The following SEC14L2 variants were observed in gnomAD, a reference collection of about 807,000 sequenced individuals.
SEC14L2 encodes SEC14 like lipid binding 2, also known as SEC14-like protein 2.
A neutral mutation model predicts 56.9 loss-of-function variants in SEC14L2; 50 were observed. The observed-to-expected ratio is 0.88, with a 90% confidence interval of 0.70 to 1.11. The LOEUF is 1.11. Among genes scored for constraint, SEC14L2 ranks in the 50% most tolerant of loss-of-function variants. SEC14L2 has a pLI of 0.00. For synonymous variants in SEC14L2, 179 were observed against 188.5 expected (o/e 0.95, Z 0.41); for missense variants, 414 against 500.7 (o/e 0.83, Z 1.65).
chr22:30,397,237 A>T, intron 1 of SEC14L2, 67 bp downstream of exon 1: 1 of 1,379,738 alleles, frequency 7.2e-7, no homozygotes, highest in Non-Finnish European at 9.7e-7. Flanking sequence ...CGGCAGCGAG[A>T]AGGGACGGGG....
chr22:30,403,859 C>T (rs1349078457), intron 2 of SEC14L2, among the ~76,000 whole-genome samples: 5 of 151,256 alleles, frequency 3.3e-5, no homozygotes, highest in African/African-American at 9.7e-5. Context: ...AAAAATTAGC[C>T]GGGTGCGGTG....
At chr22:30,403,268 G>C (rs1012157496) in intron 2 of SEC14L2, among the ~76,000 whole-genome samples, 1 of 152,170 alleles carries the variant, frequency 6.6e-6, no homozygotes, top group African/African-American at 2.4e-5. Context: ...TCCAGGCATG[G>C]AGAGCAGGTC....
intron 5 of SEC14L2, 97 bp from the exon 6 acceptor site, chr22:30,409,090 G>A: frequency 9.3e-7 from 1 of 1,076,610 alleles, no homozygotes; most frequent in Non-Finnish European, 1.4e-6. Flanking sequence ...AGCTCTGATT[G>A]CTCTCTGGAT....
At chr22:30,406,167 CAGA>C (rs1215809162) in intron 2 of SEC14L2, among the ~76,000 whole-genome samples, 172 bp from the exon 3 acceptor site, 1 of 151,890 alleles carries the variant, frequency 6.6e-6, no homozygotes, top group Non-Finnish European at 1.5e-5. Flanking sequence ...TGTGGTGCCC[CAGA>C]AGTTCTCAGT....
rs1934130716 is a variant in SEC14L2, at chr22:30,407,539, T to C, written c.359T>C (p.Leu120Pro). ...GLLFSASKQD[L>P]LRTKMRECEL... ...CTGTTCTCAGCCTCCAAACAGGACC[T>C]GCTGAGGACCAAGATGCGGGAGTGT... is the stretch of plus-strand genomic sequence containing the variant. The change falls in exon 5 of 12, where the codon CTG becomes CCG. Residue 120 changes from leucine to proline, a missense_variant. Coordinates refer to ENST00000615189, the MANE Select transcript of SEC14L2 (RefSeq NM_012429.5). 6.2e-7 allele frequency: 1 copy of C among 1,614,052 alleles called. No homozygotes were observed. Among genetic ancestry groups the C allele is most frequent in the South Asian group, 1.1e-5 (1 of 91,088 alleles).
rs3831694 is a variant in SEC14L2 at position 30,421,164 on chromosome 22, AACACACACACAC to A, written c.1082-1095_1082-1084del. ...ATAAATAGAAAACAGGACATACACA[AACACACACACAC>A]ACACACACACACACACATATTCACA... On this transcript the variant is annotated intron_variant, in intron 11 of 11. Coordinates refer to ENST00000615189, the MANE Select transcript of SEC14L2 (RefSeq NM_012429.5). 4 of 150,388 alleles carry A rather than the reference AACACACACACAC, an allele frequency of 2.7e-5. No homozygotes were observed. In the East Asian group the frequency reaches 5.9e-4, roughly 22 times the overall value. The allele number at this position is 150,388 out of a possible 1,614,324, so 9.3% of individuals were successfully genotyped here.
chr22:30,412,371 CT>C (rs80102907), intron 8 of SEC14L2, among the ~76,000 whole-genome samples: 220 of 147,336 alleles, frequency 1.5e-3, no homozygotes, highest in Admixed American at 3.5e-3. Context: ...AAGGGACCCC[CT>C]TTTTTTTTTT....
Position 30,409,248 on chromosome 22 carries a change from A to G in SEC14L2, c.485A>G (p.His162Arg). 6.2e-7 allele frequency: 1 copy of G among 1,613,702 alleles called. No homozygotes were observed. Among genetic ancestry groups the G allele is most frequent in the Non-Finnish European group, 8.5e-7 (1 of 1,179,970 alleles). Residue 162 changes from histidine to arginine, a missense_variant, in exon 6 of 12, where the codon CAT (histidine) becomes CGT (arginine). His to Arg is a conservative substitution (Grantham distance 29). Coordinates refer to ENST00000615189, the MANE Select transcript of SEC14L2 (RefSeq NM_012429.5). ...IYDCEGLGLK[H>R]LWKPAVEAYG... is the part of the protein sequence containing the mutation. The stretch of plus-strand genomic sequence containing the variant: ...GACTGCGAGGGGCTTGGCCTCAAGC[A>G]TCTCTGGAAGCCTGCTGTGGAGGCC...
At chr22:30,397,810 T>G (rs991608265) in intron 1 of SEC14L2, 3 of 470,004 alleles carry the variant, frequency 6.4e-6, no homozygotes, top group Non-Finnish European at 1.3e-5. Context: ...TCCCCTATCT[T>G]GCATCCCAGA....
Position 30,422,659 on chromosome 22 carries a change from C to G in SEC14L2, c.*252C>G. The G allele has an allele frequency of 2.5e-6, 1 of 396,778 alleles. No individual in the cohort carries two copies. Among genetic ancestry groups the G allele is most frequent in the Non-Finnish European group, 4.5e-6 (1 of 219,818 alleles). The allele number at this position is 396,778 out of a possible 1,614,324, so 24.6% of individuals were successfully genotyped here. ...CTGTCTGTCCTGTAAACTGTGCCAA[C>G]TTCACCTGTCCAGGGACAGCGAAGC... On this transcript the variant is annotated 3_prime_UTR_variant, in exon 12 of 12. Coordinates refer to ENST00000615189, the MANE Select transcript of SEC14L2 (RefSeq NM_012429.5).
intron 3 of SEC14L2, 130 bp downstream of exon 3, chr22:30,406,515 AT>A: frequency 1.2e-6 from 1 of 857,792 alleles, no homozygotes; most frequent in South Asian, 1.6e-5. Context: ...CTGTTGCCTT[AT>A]CCCTCTGGGA....
chr22:30,407,538 C>G lies in SEC14L2; in HGVS notation c.358C>G (p.Leu120Val). 6.2e-7 allele frequency: 1 copy of G among 1,614,136 alleles called. No homozygotes were observed. Among genetic ancestry groups the G allele is most frequent in the Non-Finnish European group, 8.5e-7 (1 of 1,180,010 alleles). ...GCTGTTCTCAGCCTCCAAACAGGAC[C>G]TGCTGAGGACCAAGATGCGGGAGTG... The part of the protein sequence containing the change: ...GLLFSASKQD[L>V]LRTKMRECEL... The change falls in exon 5 of 12, where the codon CTG becomes GTG. Residue 120 changes from leucine to valine, a missense_variant. Leu to Val is a conservative substitution (Grantham distance 32, BLOSUM62 1). Coordinates refer to ENST00000615189, the MANE Select transcript of SEC14L2 (RefSeq NM_012429.5).
chr22:30,397,286 G>A, intron 1 of SEC14L2, 116 bp downstream of exon 1: 2 of 954,076 alleles, frequency 2.1e-6, no homozygotes, highest in African/African-American at 1.8e-5. Context: ...GCGGCGGAGG[G>A]AACAGAGGCG....
At position 30,424,799 on chromosome 22, in the gene SEC14L2, A is replaced by G. The variant is rs1014447018; in HGVS notation, c.*2392A>G. The stretch of plus-strand genomic sequence containing the variant: ...CACAGAGACTTAGTGAAGTGCACAC[A>G]TTGCTCACCTGGGTGAACTGAGGTC... On this transcript the variant is annotated 3_prime_UTR_variant, in exon 12 of 12. Transcript: ENST00000615189. 4.4e-6 allele frequency: 2 copies of G among 456,404 alleles called. No homozygotes were observed. The highest frequency in any genetic ancestry group is 8.8e-6 in the Non-Finnish European group (2 of 226,908). 28.3% of individuals were successfully genotyped at this position (456,404 alleles called of 1,614,324 possible).
intron 11 of SEC14L2, 109 bp downstream of exon 11, chr22:30,416,512 G>A (rs1274856330): frequency 5.7e-6 from 9 of 1,585,444 alleles, no homozygotes; most frequent in Non-Finnish European, 7.7e-6. Flanking sequence ...AACTAGAAGT[G>A]GAATGCCATC....
chr22:30,399,715 C>G lies in SEC14L2; in HGVS notation c.127C>G (p.Arg43Gly). 1 of 1,613,276 alleles carries G rather than the reference C, an allele frequency of 6.2e-7. No individual in the cohort carries two copies. Among genetic ancestry groups the G allele is most frequent in the Non-Finnish European group, 8.5e-7 (1 of 1,179,710 alleles). ...TGACTATTTTCTCCTGCGTTGGCTCCGAGGTGAGGGAAGAGGGGCTGCGGG... is the reference window on the plus strand; with the variant it reads ...TGACTATTTTCTCCTGCGTTGGCTCGGAGGTGAGGGAAGAGGGGCTGCGGG... ...PDDYFLLRWL[R>G]ARSFDLQKSE... Residue 43 changes from arginine to glycine, a missense_variant, in exon 2 of 12, where the codon CGA (arginine) becomes GGA (glycine). Transcript: ENST00000615189.
rs763952522 is a variant in SEC14L2, at chr22:30,424,768, A to G, written c.*2361A>G. ...CAACGCCGCTCAATTATACCCGCCA[A>G]GGAGTCACAGAGACTTAGTGAAGTG... On this transcript the variant is annotated 3_prime_UTR_variant, in exon 12 of 12. Coordinates refer to ENST00000615189, the MANE Select transcript of SEC14L2 (RefSeq NM_012429.5). 1.2e-4 allele frequency: 57 copies of G among 456,496 alleles called. No homozygotes were observed. Among genetic ancestry groups the G allele is most frequent in the Non-Finnish European group, 4.4e-5 (10 of 226,970 alleles). The allele number at this position is 456,496 out of a possible 1,614,324, so 28.3% of individuals were successfully genotyped here. A position where few individuals can be genotyped will look rare whatever the true frequency, so the allele number is the denominator to read the frequency against.
At chr22:30,402,969 A>G (rs1316776747) in intron 2 of SEC14L2, among the ~76,000 whole-genome samples, 1 of 151,972 alleles carries the variant, frequency 6.6e-6, no homozygotes, top group East Asian at 1.9e-4. Context: ...AGTCCCAGCT[A>G]CTCGGTAGGC....
At chr22:30,418,397 A>G (rs995790503) in intron 11 of SEC14L2, among the ~76,000 whole-genome samples, 2 of 152,148 alleles carry the variant, frequency 1.3e-5, no homozygotes, top group South Asian at 4.1e-4. Context: ...CAGACCAGGG[A>G]AGTAATTGAC....
Sources: allele counts gnomAD v4.1 joint callset (sites outside exome capture counted in the v4.1 genomes callset), GRCh38; gene constraint gnomAD v4.1.1; transcripts MANE v1.5; gene names NCBI Gene and HGNC (gene_info 2026-07-23, HGNC 2026-07-21).